The following NLGN1 variants were observed in gnomAD, a reference collection of about 807,000 sequenced individuals.
The protein encoded by NLGN1 is neuroligin-1.
A neutral mutation model predicts 65.5 loss-of-function variants in NLGN1; 12 were observed. That is an observed-to-expected ratio of 0.18 (90% CI 0.12 to 0.30). The LOEUF (loss-of-function observed/expected upper bound fraction) is 0.30. Ranked by LOEUF, NLGN1 falls within the 10% of genes least tolerant of loss-of-function variation. The pLI is 1.00. For missense variants in NLGN1, 750 were observed against 1,007.1 expected, an observed-to-expected ratio of 0.74 and a Z score of 3.46; for synonymous variants, 350 against 359.5, an observed-to-expected ratio of 0.97 and a Z score of 0.30.
intron 1 of NLGN1, among the ~76,000 whole-genome samples, chr3:173,408,589 G>A (rs559334461): frequency 6.6e-6 from 1 of 152,150 alleles, no homozygotes; most frequent in East Asian, 1.9e-4. Context: ...CTATAGAACT[G>A]CGTAAACATG....
intron 2 of NLGN1, among the ~76,000 whole-genome samples, chr3:173,550,349 C>T (rs745476591): frequency 1.1e-4 from 16 of 151,978 alleles, no homozygotes; most frequent in South Asian, 4.2e-4. Flanking sequence ...TAGCGTGTTT[C>T]GGCACACATG....
At chr3:174,036,063 C>T (rs569962026) in intron 4 of NLGN1, among the ~76,000 whole-genome samples, 57 of 151,958 alleles carry the variant, frequency 3.8e-4, no homozygotes, top group Admixed American at 1.1e-3. Flanking sequence ...ATGTACATGG[C>T]GATTTATTAA....
chr3:174,222,434 G>GT lies in NLGN1; in HGVS notation c.647-52880dup, dbSNP rs146419872. Reference sequence around the variant, plus strand: ...TGGTTAGAAAAGTTAGAAACTAAACGTAAGTTTTCCAAACTTTTATCCCCA... The same window carrying GT: ...TGGTTAGAAAAGTTAGAAACTAAACGTTAAGTTTTCCAAACTTTTATCCCCA... On this transcript the variant is annotated intron_variant, in intron 4 of 6. Coordinates refer to ENST00000457714, the Ensembl canonical transcript of NLGN1. Among the ~76,000 whole-genome samples, 799 of 152,170 alleles carry GT rather than the reference G, an allele frequency of 5.3e-3. 3 individuals are homozygous for GT. The highest frequency in any genetic ancestry group is 0.01 in the Middle Eastern group (3 of 294).
intron 2 of NLGN1, among the ~76,000 whole-genome samples, chr3:173,520,599 G>A (rs528256416): frequency 5.9e-5 from 9 of 152,292 alleles, no homozygotes; most frequent in African/African-American, 1.9e-4. Context: ...AGCTTTTGTA[G>A]TAATAGGACC....
chr3:173,446,117 A>G (rs1720234109), intron 2 of NLGN1, among the ~76,000 whole-genome samples: 1 of 150,484 alleles, frequency 6.6e-6, no homozygotes, highest in African/African-American at 2.5e-5. Flanking sequence ...CACAACGTGC[A>G]GGTTTGTTAC....
chr3:173,562,281 A>G (rs1017699101), intron 2 of NLGN1, among the ~76,000 whole-genome samples: 1 of 152,178 alleles, frequency 6.6e-6, no homozygotes, highest in Non-Finnish European at 1.5e-5. Context: ...AATAAAGACA[A>G]TAGTAGACTG....
chr3:174,190,599 T>C (rs1305275731), intron 4 of NLGN1, among the ~76,000 whole-genome samples: 1 of 152,034 alleles, frequency 6.6e-6, no homozygotes, highest in Admixed American at 6.6e-5. Flanking sequence ...TTAGACTTAT[T>C]GATATAACTA....
chr3:173,921,473 T>C (rs1742014628), intron 4 of NLGN1, among the ~76,000 whole-genome samples: 1 of 151,726 alleles, frequency 6.6e-6, no homozygotes, highest in Non-Finnish European at 1.5e-5. Flanking sequence ...TTTATACTGT[T>C]TTAATTGTGA....
intron 2 of NLGN1, among the ~76,000 whole-genome samples, chr3:173,487,682 ATTG>A (rs1157068254): frequency 6.6e-6 from 1 of 151,968 alleles, no homozygotes; most frequent in African/African-American, 2.4e-5. Context: ...TTCCTAGTGA[ATTG>A]TTCTGTGTAT....
rs1421414 is a variant in NLGN1 at position 174,276,521 on chromosome 3, G to A, written c.859+994G>A. On this transcript the variant is annotated intron_variant, in intron 5 of 6. Coordinates refer to ENST00000457714, the Ensembl canonical transcript of NLGN1. ...TATATCCAAGAAAAAAGTATACACT[G>A]TCAAGTATAATTCATGAAGTGTTTT... Among the ~76,000 whole-genome samples, 957 of 151,930 alleles carry A rather than the reference G, an allele frequency of 6.3e-3. 21 individuals are homozygous for A. Among genetic ancestry groups the A allele is most frequent in the African/African-American group, 0.022 (892 of 41,476 alleles).
At position 174,279,708 on chromosome 3, in the gene NLGN1, AAAT is replaced by A. The variant is rs887623626; in HGVS notation, c.1649+63_1649+65del. ...TAAAAATGTTATTTTAACCATTTTA[AAAT>A]AATAGATATTTATGCCCAGATAATG... On this transcript the variant is annotated intron_variant, in intron 6 of 6. Transcript: ENST00000457714. This position sits in a 1 kb window ranked among gnomAD's most constrained non-coding sequence, Gnocchi z 4.7. 8.8e-6 allele frequency: 9 copies of A among 1,028,134 alleles called. No individual in the cohort carries two copies. The highest frequency in any genetic ancestry group is 6.6e-5 in the African/African-American group (4 of 60,962). 63.7% of individuals were successfully genotyped at this position (1,028,134 alleles called of 1,614,324 possible).
chr3:173,636,409 A>T (rs9844490), intron 3 of NLGN1, among the ~76,000 whole-genome samples: 29,929 of 152,090 alleles, frequency 0.2, 3,370 homozygotes, highest in African/African-American at 0.3. Context: ...AGATTAGGAA[A>T]CCGAGGTCCA....
chr3:173,677,388 C>T (rs190306202), intron 3 of NLGN1, among the ~76,000 whole-genome samples: 29 of 152,146 alleles, frequency 1.9e-4, no homozygotes, highest in African/African-American at 7.0e-4. Flanking sequence ...CATGTAACTC[C>T]ATCAATCAAT....
intron 4 of NLGN1, among the ~76,000 whole-genome samples, chr3:173,876,149 G>A (rs1395136440): frequency 6.6e-6 from 1 of 152,066 alleles, no homozygotes; most frequent in East Asian, 1.9e-4. Context: ...AAGTTGGTAG[G>A]GGTTCTTAAA....
intron 3 of NLGN1, among the ~76,000 whole-genome samples, chr3:173,789,210 AAGAGAG>A (rs1049118610): frequency 8.6e-5 from 13 of 151,630 alleles, no homozygotes; most frequent in Non-Finnish European, 1.3e-4. Context: ...AAAAAAAAGA[AAGAGAG>A]AGAGAGAGAA....
chr3:174,125,569 G>A (rs1371199082), intron 4 of NLGN1, among the ~76,000 whole-genome samples: 2 of 152,244 alleles, frequency 1.3e-5, no homozygotes, highest in East Asian at 3.9e-4. Context: ...ATACTGGTAA[G>A]ATGGTCAAAT....
chr3:173,904,510 T>G (rs1333108062), intron 4 of NLGN1, among the ~76,000 whole-genome samples: 9 of 143,520 alleles, frequency 6.3e-5, no homozygotes, highest in East Asian at 2.0e-4. Flanking sequence ...AGATAAAGGG[T>G]TTTTTTTTTT....
intron 3 of NLGN1, among the ~76,000 whole-genome samples, chr3:173,766,674 T>A (rs1468893952): frequency 6.6e-6 from 1 of 152,198 alleles, no homozygotes; most frequent in East Asian, 1.9e-4. Flanking sequence ...GACCTCCGCA[T>A]TGAATTATCC....
At chr3:173,790,848 C>T (rs1378733912) in intron 3 of NLGN1, among the ~76,000 whole-genome samples, 3 of 152,076 alleles carry the variant, frequency 2.0e-5, no homozygotes, top group Non-Finnish European at 2.9e-5. Context: ...ATGGCATTGT[C>T]TCCTGAGATG....
Sources: gnomAD v4.1 joint callset for allele counts (sites outside exome capture counted in the v4.1 genomes callset) on GRCh38, gnomAD v4.1.1 for gene constraint, Gnocchi (gnomAD v3.1) non-coding constraint, MANE v1.5 for transcripts, NCBI Gene and HGNC (gene_info 2026-07-23, HGNC 2026-07-21) for gene names.